The following CACNA1E variants were observed in gnomAD, a reference collection of about 807,000 sequenced individuals.
CACNA1E encodes the protein calcium voltage-gated channel subunit alpha1 E.
CACNA1E carries 40 observed loss-of-function variants against 259.2 expected under a neutral mutation model. The observed-to-expected ratio is 0.15, with a 90% CI of 0.12 to 0.20. The LOEUF is 0.20. CACNA1E is among the 10% of genes least tolerant of loss of function. The pLI, the probability that CACNA1E is intolerant of heterozygous loss-of-function variation, is 1.00. For synonymous variants in CACNA1E, 1,104 were observed against 1,138.5 expected (o/e 0.97, Z 0.61); for missense variants, 1,874 against 3,040.1 (o/e 0.62, Z 9.02).
At chr1:181,377,895 A>T (rs1232899816) in intron 1 of CACNA1E, among the ~76,000 whole-genome samples, 1 of 152,222 alleles carries the variant, frequency 6.6e-6, no homozygotes, top group Non-Finnish European at 1.5e-5. Context: ...TTAATAACAC[A>T]CTATCCATTC....
chr1:181,731,007 C>T (rs1430070512), intron 18 of CACNA1E, among the ~76,000 whole-genome samples, 168 bp from the exon 19 acceptor site: 1 of 152,178 alleles, frequency 6.6e-6, no homozygotes, highest in Non-Finnish European at 1.5e-5. Flanking sequence ...GAAAGTCACT[C>T]CATTGGAGAA....
At chr1:181,604,194 C>G (rs887073393) in intron 6 of CACNA1E, among the ~76,000 whole-genome samples, 2 of 152,204 alleles carry the variant, frequency 1.3e-5, no homozygotes, top group Non-Finnish European at 2.9e-5. Context: ...TGGCTCATGA[C>G]TAATTCCACC....
chr1:181,460,939 G>A (rs1661762875), intron 2 of CACNA1E, among the ~76,000 whole-genome samples: 2 of 152,166 alleles, frequency 1.3e-5, no homozygotes, highest in South Asian at 4.1e-4. Flanking sequence ...TGATTTGGGT[G>A]TATAAAATAT....
At chr1:181,344,578 A>G (rs1031490361) in intron 1 of CACNA1E, among the ~76,000 whole-genome samples, 3 of 152,192 alleles carry the variant, frequency 2.0e-5, no homozygotes, top group Non-Finnish European at 4.4e-5. Flanking sequence ...TAATTGCCTC[A>G]GGGGAAAACC....
At chr1:181,511,330 A>G (rs1666147030) in intron 2 of CACNA1E, 41 bp from the exon 3 acceptor site, 1 of 1,611,182 alleles carries the variant, frequency 6.2e-7, no homozygotes, top group African/African-American at 1.3e-5. Flanking sequence ...CATAAAGCAC[A>G]GTCCTCTTCT....
intron 11 of CACNA1E, 34 bp from the exon 12 acceptor site, chr1:181,718,021 T>C (rs1452017322): frequency 3.7e-6 from 4 of 1,079,362 alleles, no homozygotes; most frequent in African/African-American, 3.1e-5. Flanking sequence ...CCACCCCACA[T>C]GTGGAACCAA....
At chr1:181,452,981 C>T (rs142774387) in intron 2 of CACNA1E, among the ~76,000 whole-genome samples, 2 of 152,280 alleles carry the variant, frequency 1.3e-5, no homozygotes, top group Middle Eastern at 3.4e-3. Flanking sequence ...TGTTGCTGAC[C>T]CTGTGACCAT....
chr1:181,696,855 C>G (rs1260050901), intron 7 of CACNA1E, among the ~76,000 whole-genome samples: 1 of 152,178 alleles, frequency 6.6e-6, no homozygotes, highest in Non-Finnish European at 1.5e-5. Context: ...AAGAATTTGA[C>G]TATTTTATTT....
chr1:181,616,303 T>G (rs144460961), intron 6 of CACNA1E, among the ~76,000 whole-genome samples: 1 of 152,192 alleles, frequency 6.6e-6, no homozygotes, highest in Non-Finnish European at 1.5e-5. Context: ...CATGGAGATA[T>G]CTGGGCTTGG....
rs777228630 is a variant in CACNA1E, at chr1:181,510,532, C to T, written c.322C>T (p.Leu108=). 21 of 1,613,970 alleles carry T rather than the reference C, an allele frequency of 1.3e-5. No homozygotes were observed. Among genetic ancestry groups the T allele is most frequent in the Non-Finnish European group, 1.7e-5 (20 of 1,179,812 alleles). ...CATTGCCAACTGCATCGTCCTGGCC[C>T]TGGAGCAGCATCTTCCTGAGGATGA... ...TIIANCIVLA[L]EQHLPEDDKT... Residue 108 remains leucine, a synonymous_variant, in exon 2 of 48, where the codon CTG becomes TTG. Coordinates refer to ENST00000367573, the MANE Select transcript of CACNA1E (RefSeq NM_001205293.3).
chr1:181,706,790 G>A (rs1396790689), intron 7 of CACNA1E, among the ~76,000 whole-genome samples: 1 of 152,210 alleles, frequency 6.6e-6, no homozygotes, highest in Admixed American at 6.5e-5. Context: ...TTTGAATTTT[G>A]TCTCTGCCTC....
At chr1:181,347,011 G>C (rs1652644009) in intron 1 of CACNA1E, among the ~76,000 whole-genome samples, 1 of 152,204 alleles carries the variant, frequency 6.6e-6, no homozygotes, top group South Asian at 2.1e-4. Context: ...CTGACTGACA[G>C]TCTTGGGCTA....
chr1:181,740,174 T>C (rs1656428516), intron 25 of CACNA1E, among the ~76,000 whole-genome samples: 1 of 152,128 alleles, frequency 6.6e-6, no homozygotes, highest in Non-Finnish European at 1.5e-5. Flanking sequence ...TGAGTACAAG[T>C]GGAAGCCTCA....
intron 1 of CACNA1E, among the ~76,000 whole-genome samples, chr1:181,342,019 G>A (rs1466374100): frequency 1.3e-5 from 2 of 152,198 alleles, no homozygotes; most frequent in Admixed American, 6.5e-5. Flanking sequence ...GTGTGGAAGA[G>A]GGAGATTTGG....
At chr1:181,348,909 C>T (rs1652818492) in intron 1 of CACNA1E, among the ~76,000 whole-genome samples, 1 of 152,246 alleles carries the variant, frequency 6.6e-6, no homozygotes, top group Non-Finnish European at 1.5e-5. Flanking sequence ...GGGATGTGGC[C>T]AGGTCCTACA....
chr1:181,502,188 C>G (rs538264138), intron 1 of CACNA1E, among the ~76,000 whole-genome samples: 1 of 152,256 alleles, frequency 6.6e-6, no homozygotes, highest in South Asian at 2.1e-4. Flanking sequence ...GTTTAGCCCT[C>G]TTGCCCTTTG....
chr1:181,577,329 T>A (rs1651075573), intron 3 of CACNA1E, among the ~76,000 whole-genome samples: 1 of 152,222 alleles, frequency 6.6e-6, no homozygotes, highest in African/African-American at 2.4e-5. Flanking sequence ...GTTACTTTTT[T>A]ACTGCAGTTA....
chr1:181,611,381 T>C (rs1475091568), intron 6 of CACNA1E, among the ~76,000 whole-genome samples: 1 of 151,424 alleles, frequency 6.6e-6, no homozygotes, highest in African/African-American at 2.4e-5. Context: ...ACTTCCATTT[T>C]TGCTTGATTT....
rs544101670 is a variant in CACNA1E, at chr1:181,674,792, C to T, written c.1055+23351C>T. Among the ~76,000 whole-genome samples, 394 of 152,280 alleles carry T rather than the reference C, an allele frequency of 2.6e-3. 4 individuals carry two copies. The highest frequency in any genetic ancestry group is 9.1e-3 in the African/African-American group (378 of 41,554). Reference sequence around the variant, plus strand: ...GAGCAGAGGTCTGCAGAGTGCCACCCCTCTAGCAGCTCTGTGGACCAAACA... The same window carrying T: ...GAGCAGAGGTCTGCAGAGTGCCACCTCTCTAGCAGCTCTGTGGACCAAACA... On this transcript the variant is annotated intron_variant, in intron 7 of 47. Coordinates refer to ENST00000367573, the MANE Select transcript of CACNA1E (RefSeq NM_001205293.3).
Sources: gnomAD v4.1 joint callset for allele counts (sites outside exome capture counted in the v4.1 genomes callset) on GRCh38, gnomAD v4.1.1 for gene constraint, MANE v1.5 for transcripts, NCBI Gene and HGNC (gene_info 2026-07-23, HGNC 2026-07-21) for gene names.